STMN2: variants seen among roughly 807,000 people sequenced by gnomAD.
The protein encoded by STMN2 is stathmin 2.
Under a neutral mutation model 24.1 loss-of-function variants are expected in STMN2, and 2 were observed. The observed-to-expected ratio is 0.08, with a 90% CI of 0.03 to 0.26. The LOEUF is 0.26. STMN2 is among the 10% of genes least tolerant of loss of function. The probability of loss-of-function intolerance (pLI) is 1.00; values close to 1 mark genes in which losing one functional copy is unlikely to be tolerated. For synonymous variants in STMN2, 83 were observed against 77.5 expected (o/e 1.07, Z -0.37); for missense variants, 114 against 213.6 (o/e 0.53, Z 2.91).
chr8:79,663,104 ATC>A (rs776851219), intron 4 of STMN2, among the ~76,000 whole-genome samples: 3 of 152,128 alleles, frequency 2.0e-5, no homozygotes, highest in Non-Finnish European at 4.4e-5. Context: ...ATTGTTTTTA[ATC>A]TCTTTCTCTA....
intron 4 of STMN2, among the ~76,000 whole-genome samples, chr8:79,655,791 C>A (rs1384786097): frequency 7.2e-5 from 11 of 152,166 alleles, no homozygotes; most frequent in Non-Finnish European, 1.0e-4. Context: ...TACAGTATAG[C>A]TGTGAGTAGT....
At chr8:79,633,746 T>C (rs1006889714) in intron 1 of STMN2, among the ~76,000 whole-genome samples, 4 of 152,206 alleles carry the variant, frequency 2.6e-5, no homozygotes, top group Non-Finnish European at 5.9e-5. Flanking sequence ...TACTATCACA[T>C]TGGGAATTAG....
chr8:79,662,581 A>G (rs1806525749), intron 4 of STMN2, among the ~76,000 whole-genome samples: 2 of 152,176 alleles, frequency 1.3e-5, no homozygotes, highest in Admixed American at 1.3e-4. Flanking sequence ...CAAATAATAG[A>G]GTGACTAAAA....
chr8:79,636,705 C>T (rs557430910), intron 1 of STMN2, 97 bp from the exon 2 acceptor site: 1 of 1,116,018 alleles, frequency 9.0e-7, no homozygotes, highest in East Asian at 2.6e-5. Context: ...GCAATATTCA[C>T]TCTGCAGGAG....
intron 1 of STMN2, among the ~76,000 whole-genome samples, chr8:79,629,850 A>C (rs1809757611): frequency 1.3e-5 from 2 of 152,224 alleles, no homozygotes; most frequent in Admixed American, 6.5e-5. Context: ...AGTCGACGTT[A>C]ATAACTATTA....
chr8:79,617,365 G>A (rs1427679410), intron 1 of STMN2, among the ~76,000 whole-genome samples: 2 of 152,112 alleles, frequency 1.3e-5, no homozygotes, highest in Non-Finnish European at 2.9e-5. Context: ...TACAATACAC[G>A]AAATATCTCA....
At chr8:79,654,604 T>G (rs1211116060) in intron 3 of STMN2, among the ~76,000 whole-genome samples, 3 of 152,122 alleles carry the variant, frequency 2.0e-5, no homozygotes, top group African/African-American at 4.8e-5. Context: ...TTAAAAAAAT[T>G]TGTAACTCCT....
chr8:79,643,664 A>G (rs190881496), intron 3 of STMN2, among the ~76,000 whole-genome samples: 1 of 152,316 alleles, frequency 6.6e-6, no homozygotes, highest in East Asian at 1.9e-4. Flanking sequence ...AGGTGTTCTT[A>G]TAAGAGTCCC....
chr8:79,636,298 C>G (rs1488647241), intron 1 of STMN2, among the ~76,000 whole-genome samples: 2 of 152,028 alleles, frequency 1.3e-5, no homozygotes, highest in Admixed American at 1.3e-4. Flanking sequence ...AACATAGGAC[C>G]CTGGATAATG....
chr8:79,631,403 G>T (rs1457884425), intron 1 of STMN2: 4 of 983,732 alleles, frequency 4.1e-6, no homozygotes, highest in Middle Eastern at 5.2e-4. Context: ...AAACCTCCCT[G>T]GCTTAGAAAA....
At chr8:79,660,176 A>C (rs1585913684) in intron 4 of STMN2, among the ~76,000 whole-genome samples, 2 of 152,348 alleles carry the variant, frequency 1.3e-5, no homozygotes. Context: ...ACCATCAGAC[A>C]GCAGGACGAT....
chr8:79,653,159 C>T (rs925327819), intron 3 of STMN2, among the ~76,000 whole-genome samples: 6 of 152,092 alleles, frequency 3.9e-5, no homozygotes, highest in Non-Finnish European at 7.4e-5. Context: ...GGGTGGATCA[C>T]TTAAGCCAGG....
At chr8:79,635,873 C>T (rs1809936032) in intron 1 of STMN2, among the ~76,000 whole-genome samples, 1 of 151,670 alleles carries the variant, frequency 6.6e-6, no homozygotes, top group Non-Finnish European at 1.5e-5. Flanking sequence ...AAAAAGACTG[C>T]ACATATACCC....
chr8:79,663,028 T>C (rs773728988), intron 4 of STMN2, among the ~76,000 whole-genome samples: 56 of 152,256 alleles, frequency 3.7e-4, no homozygotes, highest in Non-Finnish European at 7.1e-4. Context: ...TCTCTATGCA[T>C]GCCTCTTTCC....
Position 79,665,594 on chromosome 8 carries a change from C to T in STMN2, c.*720C>T, listed in dbSNP as rs1349905676. 6.5e-6 allele frequency: 1 copy of T among 154,362 alleles called. No individual in the cohort carries two copies. Among genetic ancestry groups the T allele is most frequent in the Non-Finnish European group, 1.5e-5 (1 of 68,214 alleles). The allele number at this position is 154,362 out of a possible 1,614,324, so 9.6% of individuals were successfully genotyped here. On this transcript the variant is annotated 3_prime_UTR_variant, in exon 5 of 5. Transcript: ENST00000220876. Reference sequence around the variant, plus strand: ...GTTGAACCTTTTAAAGTGCTGAACACAAATCCAAATTCGAATGGTTCAAGC... The same window carrying T: ...GTTGAACCTTTTAAAGTGCTGAACATAAATCCAAATTCGAATGGTTCAAGC...
chr8:79,648,211 T>C (rs2130372960), intron 3 of STMN2, among the ~76,000 whole-genome samples: 1 of 152,356 alleles, frequency 6.6e-6, no homozygotes, highest in East Asian at 1.9e-4. Context: ...AATCTCCGTA[T>C]GTCCTCCTTT....
intron 4 of STMN2, among the ~76,000 whole-genome samples, chr8:79,659,494 G>A (rs1585913042): frequency 6.6e-6 from 1 of 152,062 alleles, no homozygotes; most frequent in Admixed American, 6.6e-5. Flanking sequence ...CTCCCCTAAC[G>A]CACTATGCAG....
intron 1 of STMN2, among the ~76,000 whole-genome samples, chr8:79,633,853 A>T (rs978398371): frequency 6.6e-6 from 1 of 152,214 alleles, no homozygotes; most frequent in Non-Finnish European, 1.5e-5. Context: ...AGCTTCTGAT[A>T]GTTTTTACAC....
At chr8:79,625,349 A>G (rs1809627474) in intron 1 of STMN2, among the ~76,000 whole-genome samples, 1 of 152,158 alleles carries the variant, frequency 6.6e-6, no homozygotes, top group South Asian at 2.1e-4. Context: ...TGAGTCAAGT[A>G]CTGTGATTGT....
Sources: allele counts gnomAD v4.1 joint callset (sites outside exome capture counted in the v4.1 genomes callset), GRCh38; gene constraint gnomAD v4.1.1; transcripts MANE v1.5; gene names NCBI Gene and HGNC (gene_info 2026-07-23, HGNC 2026-07-21).